CUBN: variants seen among roughly 807,000 people sequenced by gnomAD.
CUBN encodes cubilin, also known as 460 kDa receptor.
A neutral mutation model predicts 405.3 loss-of-function variants in CUBN; 282 were observed. The observed-to-expected ratio is 0.70, with a 90% CI of 0.63 to 0.77. CUBN has a LOEUF of 0.77. Ranked by LOEUF, CUBN falls within the 30% of genes least tolerant of loss-of-function variation. CUBN has a pLI of 0.00. For missense variants in CUBN, 4,514 were observed against 4,475.2 expected (o/e 1.01, Z -0.25); for synonymous variants, 1,684 against 1,617.0 (o/e 1.04, Z -0.99).
At chr10:16,952,088 G>A (rs1332792626) in intron 33 of CUBN, among the ~76,000 whole-genome samples, 188 bp downstream of exon 33, 1 of 152,178 alleles carries the variant, frequency 6.6e-6, no homozygotes. Flanking sequence ...AGAAGCAACT[G>A]TAGAAATGAC....
At chr10:17,110,161 G>A (rs1292529548) in intron 9 of CUBN, among the ~76,000 whole-genome samples, 14 of 152,108 alleles carry the variant, frequency 9.2e-5, no homozygotes, top group Non-Finnish European at 1.5e-4. Context: ...GTAGTAATTC[G>A]ATTTAGATTA....
chr10:17,049,192 A>G (rs1469785893), intron 22 of CUBN, among the ~76,000 whole-genome samples: 1 of 152,222 alleles, frequency 6.6e-6, no homozygotes, highest in Non-Finnish European at 1.5e-5. Context: ...GGAGGAGTAT[A>G]GCATTGGTCT....
intron 17 of CUBN, among the ~76,000 whole-genome samples, chr10:17,082,080 T>C: frequency 6.6e-6 from 1 of 152,206 alleles, no homozygotes. Context: ...ATCGGCTGTC[T>C]CTGAACTGAT....
intron 45 of CUBN, among the ~76,000 whole-genome samples, chr10:16,917,397 G>T (rs1841913497): frequency 1.3e-5 from 2 of 151,974 alleles, no homozygotes; most frequent in Non-Finnish European, 2.9e-5. Flanking sequence ...CTATGATAAA[G>T]TTTGCTGTAT....
intron 1 of CUBN, 66 bp from the exon 2 acceptor site, chr10:17,129,316 A>G (rs1837268246): frequency 6.4e-7 from 1 of 1,560,442 alleles, no homozygotes; most frequent in Admixed American, 1.7e-5. Context: ...CAAAATAACA[A>G]AGTTTCTTAC....
Position 16,937,578 on chromosome 10 carries a change from A to G in CUBN, c.5926+14T>C. The stretch of plus-strand genomic sequence containing the variant: ...ATCAGTCCTAAAAAGAACTTCATTT[A>G]TTACCAAACACACCTGGAGCAATGG... On this transcript the variant is annotated intron_variant, in intron 39 of 66. Coordinates refer to ENST00000377833, the MANE Select transcript of CUBN (RefSeq NM_001081.4). 1 of 1,612,112 alleles carries G rather than the reference A, an allele frequency of 6.2e-7. No individual in the cohort carries two copies. The highest frequency in any genetic ancestry group is 2.2e-5 in the East Asian group (1 of 44,784).
At position 16,870,596 on chromosome 10, in the gene CUBN, C is replaced by T. The variant is rs533498311; in HGVS notation, c.9237-743G>A. Among the ~76,000 whole-genome samples the T allele has an allele frequency of 3.5e-4, 54 of 152,334 alleles. No individual in the cohort carries two copies. In the South Asian group the frequency reaches 0.01, roughly 29 times the overall value. On this transcript the variant is annotated intron_variant, in intron 58 of 66. Transcript: ENST00000377833. ...ACGGAAGAAGCTTTACAAATGACTA[C>T]TTGCTTTGCCACACTGCCTTCCCAC... is the stretch of plus-strand genomic sequence containing the variant.
At chr10:17,031,950 A>G (rs1834797897) in intron 27 of CUBN, among the ~76,000 whole-genome samples, 3 of 152,318 alleles carry the variant, frequency 2.0e-5, no homozygotes, top group Non-Finnish European at 4.4e-5. Flanking sequence ...TTGCCTTTAA[A>G]CAGATTCGGA....
intron 65 of CUBN, among the ~76,000 whole-genome samples, chr10:16,829,984 G>A (rs1838932950): frequency 6.6e-6 from 1 of 151,280 alleles, no homozygotes; most frequent in African/African-American, 2.4e-5. Context: ...CACCCAGGCT[G>A]GAGTGCAGTG....
intron 45 of CUBN, among the ~76,000 whole-genome samples, chr10:16,918,267 C>T (rs780054120): frequency 3.3e-5 from 5 of 152,076 alleles, no homozygotes; most frequent in Non-Finnish European, 7.4e-5. Flanking sequence ...ATTGCCTTGG[C>T]TATTTGGGTT....
chr10:17,045,731 T>C (rs1220245879), intron 24 of CUBN, among the ~76,000 whole-genome samples: 1 of 152,180 alleles, frequency 6.6e-6, no homozygotes, highest in Admixed American at 6.5e-5. Context: ...AGGATTCTTA[T>C]TTATTGATAA....
chr10:17,036,022 A>T lies in CUBN; in HGVS notation c.4017+5011T>A, dbSNP rs574760494. 6.3e-4 allele frequency among the ~76,000 whole-genome samples: 92 copies of T among 147,036 alleles called. 1 individual carries two copies. In the East Asian group the frequency reaches 0.015, roughly 24 times the overall value. ...ATACCCTGAACTTGAAAGTTAAATT[A>T]AAAAAAAAAAGTTTTAGCATTCCAG... On this transcript the variant is annotated intron_variant, in intron 27 of 66. Transcript: ENST00000377833.
At chr10:16,891,573 G>A (rs552612408) in intron 54 of CUBN, among the ~76,000 whole-genome samples, 9 of 152,196 alleles carry the variant, frequency 5.9e-5, no homozygotes, top group Admixed American at 1.3e-4. Flanking sequence ...ATTACAATTC[G>A]GAAAATAGGA....
chr10:17,037,520 GACC>G (rs1336611472), intron 27 of CUBN, among the ~76,000 whole-genome samples: 1 of 152,154 alleles, frequency 6.6e-6, no homozygotes, highest in Non-Finnish European at 1.5e-5. Flanking sequence ...CTTCAGCATA[GACC>G]ACCAGAAATA....
At chr10:17,103,521 AC>A (rs1353386355) in intron 12 of CUBN, among the ~76,000 whole-genome samples, 6 of 151,472 alleles carry the variant, frequency 4.0e-5, no homozygotes, top group African/African-American at 1.5e-4. Flanking sequence ...ACCCAATTTC[AC>A]CCCACACAAC....
At chr10:17,023,751 A>G (rs1423715791) in intron 27 of CUBN, 1 of 376,852 alleles carries the variant, frequency 2.7e-6, no homozygotes. Context: ...ACTAGTAAAA[A>G]CTAAGAAAGA....
intron 28 of CUBN, among the ~76,000 whole-genome samples, chr10:17,014,019 G>A (rs944734475): frequency 5.3e-5 from 8 of 152,310 alleles, no homozygotes; most frequent in Non-Finnish European, 1.0e-4. Flanking sequence ...GTGCATGTAC[G>A]TATCTGAAGC....
chr10:16,851,486 C>A (rs766073600), intron 59 of CUBN, 43 bp from the exon 60 acceptor site: 3 of 1,546,310 alleles, frequency 1.9e-6, no homozygotes, highest in African/African-American at 1.4e-5. Context: ...CAAACAGAAC[C>A]GACCTTACAT....
intron 56 of CUBN, among the ~76,000 whole-genome samples, chr10:16,881,719 C>A (rs575438014): frequency 2.6e-5 from 4 of 152,142 alleles, no homozygotes; most frequent in Non-Finnish European, 4.4e-5. Context: ...CTTTCAAATT[C>A]TCTCCAAAAG....
Sources: allele counts gnomAD v4.1 joint callset (sites outside exome capture counted in the v4.1 genomes callset), GRCh38; gene constraint gnomAD v4.1.1; transcripts MANE v1.5; gene names NCBI Gene and HGNC (gene_info 2026-07-23, HGNC 2026-07-21).